CDH13: variants seen among roughly 807,000 people sequenced by gnomAD.
CDH13 encodes cadherin 13, also known as cadherin-13.
In CDH13, 24 loss-of-function variants were observed where a neutral mutation model predicts 63.8. The ratio of observed to expected loss-of-function variants is 0.38; its 90% confidence interval spans 0.27 to 0.53. The LOEUF (loss-of-function observed/expected upper bound fraction) is 0.53, where lower values mean the gene tolerates loss of function less well. CDH13 is among the 20% of genes least tolerant of loss of function. The pLI, the probability that CDH13 is intolerant of heterozygous loss-of-function variation, is 0.85. For synonymous variants in CDH13, 503 were observed against 355.3 expected, an observed-to-expected ratio of 1.42 and a Z score of -4.67; for missense variants, 1,049 against 903.1, an observed-to-expected ratio of 1.16 and a Z score of -2.07.
chr16:82,710,467 A>T (rs1445494821), intron 1 of CDH13, among the ~76,000 whole-genome samples: 1 of 135,264 alleles, frequency 7.4e-6, no homozygotes, highest in Admixed American at 8.0e-5. Context: ...AGGAGGGCGG[A>T]GCTTGCAGTG....
chr16:82,760,332 C>T (rs1597493582), intron 1 of CDH13, among the ~76,000 whole-genome samples: 1 of 151,978 alleles, frequency 6.6e-6, no homozygotes, highest in Non-Finnish European at 1.5e-5. Flanking sequence ...GCTGGAAGGT[C>T]GGAAGAGGCA....
chr16:83,725,536 G>A (rs933008220), intron 10 of CDH13: 2 of 152,372 alleles, frequency 1.3e-5, no homozygotes, highest in Non-Finnish European at 2.9e-5. Context: ...TCCTGGTCAC[G>A]GTCTGGCTGG....
chr16:83,313,643 TAAAAAA>T (rs59109363), intron 5 of CDH13, among the ~76,000 whole-genome samples: 358 of 89,918 alleles, frequency 4.0e-3, no homozygotes, highest in Non-Finnish European at 6.1e-3. Context: ...CTTACCATTG[TAAAAAA>T]AAAAAAAAAA....
intron 4 of CDH13, among the ~76,000 whole-genome samples, chr16:83,181,253 A>G (rs2038340665): frequency 6.6e-6 from 1 of 152,212 alleles, no homozygotes; most frequent in African/African-American, 2.4e-5. Context: ...CAGGTGTTTA[A>G]TTGCAACGTG....
chr16:83,569,248 C>G (rs932761372), intron 7 of CDH13, among the ~76,000 whole-genome samples: 3 of 152,104 alleles, frequency 2.0e-5, no homozygotes, highest in Non-Finnish European at 2.9e-5. Context: ...CTTAAATGTC[C>G]CCACCAAACC....
intron 5 of CDH13, among the ~76,000 whole-genome samples, chr16:83,291,766 A>T (rs553598984): frequency 6.6e-6 from 1 of 152,316 alleles, no homozygotes; most frequent in East Asian, 1.9e-4. Context: ...ATTTATGCCA[A>T]CTGGGACTTT....
At chr16:83,472,188 A>G (rs2073472008) in intron 6 of CDH13, among the ~76,000 whole-genome samples, 1 of 152,150 alleles carries the variant, frequency 6.6e-6, no homozygotes, top group Non-Finnish European at 1.5e-5. Context: ...CCTCAGGCTC[A>G]CTGTTGTCCA....
intron 6 of CDH13, among the ~76,000 whole-genome samples, chr16:83,401,202 G>A (rs1024563908): frequency 1.3e-5 from 2 of 152,086 alleles, no homozygotes; most frequent in African/African-American, 2.4e-5. Context: ...TTGGTGTGGT[G>A]GTGTGTGCGC....
chr16:83,469,465 G>A (rs189291003), intron 6 of CDH13, among the ~76,000 whole-genome samples: 1 of 152,244 alleles, frequency 6.6e-6, no homozygotes, highest in Admixed American at 6.5e-5. Context: ...TATTGAGGCT[G>A]GCCCCACCCT....
At chr16:82,934,488 C>G (rs1315499093) in intron 2 of CDH13, among the ~76,000 whole-genome samples, 1 of 152,224 alleles carries the variant, frequency 6.6e-6, no homozygotes, top group Admixed American at 6.5e-5. Context: ...GTGACATGCC[C>G]TGCAATTTCC....
chr16:83,162,867 G>A (rs2037506144), intron 4 of CDH13, among the ~76,000 whole-genome samples: 1 of 152,090 alleles, frequency 6.6e-6, no homozygotes, highest in African/African-American at 2.4e-5. Context: ...CTGTTGAGAT[G>A]CCTAAATCCC....
intron 2 of CDH13, among the ~76,000 whole-genome samples, chr16:82,867,885 T>C (rs543965895): frequency 6.6e-6 from 1 of 152,230 alleles, no homozygotes; most frequent in African/African-American, 2.4e-5. Context: ...CAAGCTGACT[T>C]AGGCTTTTAT....
chr16:83,100,998 A>G (rs545020011), intron 3 of CDH13, among the ~76,000 whole-genome samples: 2 of 152,294 alleles, frequency 1.3e-5, no homozygotes, highest in South Asian at 2.1e-4. Flanking sequence ...TTCCTATATG[A>G]TTCAGATCCT....
At chr16:83,260,174 C>G (rs949506967) in intron 5 of CDH13, among the ~76,000 whole-genome samples, 8 of 147,062 alleles carry the variant, frequency 5.4e-5, no homozygotes, top group African/African-American at 1.7e-4. Context: ...ACAAATAATA[C>G]TTAGTCTATG....
At chr16:83,174,917 C>T (rs2038064804) in intron 4 of CDH13, among the ~76,000 whole-genome samples, 1 of 152,070 alleles carries the variant, frequency 6.6e-6, no homozygotes, top group Non-Finnish European at 1.5e-5. Context: ...CACTCACTAT[C>T]ATGAGAACAG....
At chr16:83,538,145 TA>T (rs1215996791) in intron 7 of CDH13, among the ~76,000 whole-genome samples, 1 of 152,206 alleles carries the variant, frequency 6.6e-6, no homozygotes, top group African/African-American at 2.4e-5. Context: ...CAGAAGGCCA[TA>T]ATAGAAATGT....
intron 1 of CDH13, among the ~76,000 whole-genome samples, chr16:82,681,319 A>C (rs752481986): frequency 8.5e-5 from 13 of 152,204 alleles, no homozygotes; most frequent in Non-Finnish European, 1.8e-4. Flanking sequence ...CACAGACAGT[A>C]GATTCGTGAT....
intron 2 of CDH13, among the ~76,000 whole-genome samples, chr16:82,970,101 C>G (rs909762644): frequency 6.6e-6 from 1 of 152,070 alleles, no homozygotes; most frequent in Admixed American, 6.5e-5. Context: ...CCCTACCCAT[C>G]GACAGTGTGG....
intron 1 of CDH13, among the ~76,000 whole-genome samples, chr16:82,806,779 G>C (rs918157338): frequency 6.6e-6 from 1 of 152,122 alleles, no homozygotes; most frequent in Non-Finnish European, 1.5e-5. Context: ...ATACAGTCCT[G>C]TTTCTCTAGC....
Sources: gnomAD v4.1 joint callset for allele counts (sites outside exome capture counted in the v4.1 genomes callset) on GRCh38, gnomAD v4.1.1 for gene constraint, MANE v1.5 for transcripts, NCBI Gene and HGNC (gene_info 2026-07-23, HGNC 2026-07-21) for gene names.